Variants in EMC3 observed in about 807,000 individuals in gnomAD.
EMC3 encodes ER membrane protein complex subunit 3.
A neutral mutation model predicts 36.6 loss-of-function variants in EMC3; 13 were observed. That is an observed-to-expected ratio of 0.35 (90% CI 0.23 to 0.56). EMC3 has a LOEUF of 0.56. EMC3 is among the 20% of genes least tolerant of loss of function. The pLI is 0.84. For missense variants in EMC3, 220 were observed against 324.5 expected, an observed-to-expected ratio of 0.68 and a Z score of 2.47; for synonymous variants, 120 against 111.9, an observed-to-expected ratio of 1.07 and a Z score of -0.46.
chr3:9,987,393 G>A, upstream of EMC3: 1 of 678,026 alleles, frequency 1.5e-6, no homozygotes, highest in Non-Finnish European at 1.8e-6. Context: ...TTCCTCATCT[G>A]CCCTGAGATG....
At chr3:9,986,448 C>T in intron 1 of EMC3, 59 bp downstream of exon 1, 2 of 1,594,502 alleles carry the variant, frequency 1.3e-6, no homozygotes, top group Non-Finnish European at 1.7e-6. Flanking sequence ...ACAACTCCTG[C>T]ACTTTTTTGC....
chr3:10,010,748 G>C (rs1341710428), intron 1 of EMC3: 1 of 152,514 alleles, frequency 6.6e-6, no homozygotes, highest in Non-Finnish European at 1.5e-5. Flanking sequence ...AGGAGCCTTA[G>C]GGGGAGAGGA....
Position 9,970,678 on chromosome 3 carries a change from A to C in EMC3, c.495-17T>G, listed in dbSNP as rs1280240112. 1.2e-6 allele frequency: 2 copies of C among 1,613,584 alleles called. No individual in the cohort carries two copies. Among genetic ancestry groups the C allele is most frequent in the South Asian group, 2.2e-5 (2 of 91,076 alleles). On this transcript the variant is annotated splice_polypyrimidine_tract_variant and intron_variant, in intron 5 of 7. Coordinates refer to ENST00000245046, the MANE Select transcript of EMC3 (RefSeq NM_001394674.1). ...GAACTCACCCTGGCAAAGCAAAATG[A>C]AAATGGTGTGGTTAGTTATTATATC...
At chr3:9,977,774 T>G (rs535789236) in intron 1 of EMC3, among the ~76,000 whole-genome samples, 1 of 152,078 alleles carries the variant, frequency 6.6e-6, no homozygotes, top group Non-Finnish European at 1.5e-5. Context: ...AAAAGAATAG[T>G]TGAACACTGC....
intron 7 of EMC3, among the ~76,000 whole-genome samples, chr3:9,964,671 G>A (rs971949920): frequency 3.9e-5 from 6 of 152,178 alleles, no homozygotes; most frequent in Non-Finnish European, 8.8e-5. Flanking sequence ...ATGGCCCAGG[G>A]TATCTTCAGT....
chr3:10,001,935 C>T (rs58499722), intron 1 of EMC3, among the ~76,000 whole-genome samples: 1,850 of 152,116 alleles, frequency 0.012, 34 homozygotes, highest in African/African-American at 0.041. Flanking sequence ...GGAGGTGGAG[C>T]TTGCAGTGAG....
intron 1 of EMC3, chr3:10,007,566 G>A (rs1316758590): frequency 7.3e-7 from 1 of 1,367,622 alleles, no homozygotes; most frequent in Admixed American, 1.9e-5. Context: ...AGTGCTTCTG[G>A]GTGAGGCAGG....
chr3:9,976,991 A>G lies in EMC3; in HGVS notation c.273T>C (p.Thr91=), dbSNP rs748813452. The G allele has an allele frequency of 6.2e-7, 1 of 1,612,672 alleles. No individual in the cohort carries two copies. Among genetic ancestry groups the G allele is most frequent in the Admixed American group, 1.7e-5 (1 of 59,700 alleles). Residue 91 remains threonine (T), a synonymous_variant, in exon 3 of 8, where the codon ACT becomes ACC. Coordinates refer to ENST00000245046, the MANE Select transcript of EMC3 (RefSeq NM_001394674.1). ...GAGAAGGTGGCACTACCTTCCGTTT[A>G]GTTTTTTTGAAAAATCCATCCTCTG... ...NNPEDGFFKK[T]KRKVVPPSPM...
chr3:9,985,786 CG>C (rs1297301694), intron 1 of EMC3, among the ~76,000 whole-genome samples: 7 of 151,958 alleles, frequency 4.6e-5, no homozygotes, highest in Admixed American at 2.0e-4. Context: ...CCCAGCTACT[CG>C]GGGGGCTGAG....
chr3:9,972,211 T>C (rs1018024814), intron 5 of EMC3, among the ~76,000 whole-genome samples: 3 of 149,342 alleles, frequency 2.0e-5, no homozygotes, highest in Non-Finnish European at 3.0e-5. Context: ...ACTATTATCA[T>C]TAGTAGTAAT....
At chr3:10,009,530 G>A (rs2086301377) in intron 1 of EMC3, among the ~76,000 whole-genome samples, 3 of 152,210 alleles carry the variant, frequency 2.0e-5, no homozygotes, top group South Asian at 2.1e-4. Context: ...TCCTGAAAAA[G>A]GTGGCCCCTG....
intron 1 of EMC3, chr3:10,004,898 G>C (rs945314251): frequency 1.2e-4 from 19 of 152,276 alleles, no homozygotes; most frequent in Admixed American, 1.2e-3. Context: ...AGTTAGTGCT[G>C]TGCATCACAG....
chr3:10,010,586 A>G (rs1189421902), intron 1 of EMC3, among the ~76,000 whole-genome samples: 1 of 152,064 alleles, frequency 6.6e-6, no homozygotes, highest in Non-Finnish European at 1.5e-5. Flanking sequence ...TTCTGCACTG[A>G]TAGACTAGAC....
At chr3:9,977,129 G>T in intron 2 of EMC3, 79 bp from the exon 3 acceptor site, 2 of 1,148,366 alleles carry the variant, frequency 1.7e-6, no homozygotes, top group Non-Finnish European at 2.5e-6. Flanking sequence ...CAGTGGCTTA[G>T]TCAGAAGGCC....
intron 5 of EMC3, among the ~76,000 whole-genome samples, chr3:9,971,403 G>A (rs1467906219): frequency 1.3e-5 from 2 of 152,150 alleles, no homozygotes; most frequent in African/African-American, 2.4e-5. Context: ...AAACAAAAAT[G>A]CATATGGGAA....
At position 9,986,614 on chromosome 3, in the gene EMC3, C is replaced by T; in HGVS notation, c.48G>A (p.Val16=). 1 of 1,614,222 alleles carries T rather than the reference C, an allele frequency of 6.2e-7. No homozygotes were observed. The highest frequency in any genetic ancestry group is 1.3e-5 in the African/African-American group (1 of 75,058). The part of the protein sequence containing the change: ...LLLDSNIRLW[V]VLPIVIITFF... ...AAGTGATGATAACGATGGGTAGGAC[C>T]ACCCAGAGGCGGATGTTGGAGTCGA... The change falls in exon 1 of 8, where the codon GTG becomes GTA. Residue 16 remains valine (V), a synonymous_variant. Transcript: ENST00000245046.
At chr3:9,974,654 G>C (rs1411221929) in intron 3 of EMC3, among the ~76,000 whole-genome samples, 166 bp from the exon 4 acceptor site, 1 of 151,820 alleles carries the variant, frequency 6.6e-6, no homozygotes, top group Non-Finnish European at 1.5e-5. Context: ...CGCCTCCCAG[G>C]TTCACACCAT....
intron 1 of EMC3, chr3:10,004,122 A>G (rs1553604769): frequency 6.6e-6 from 1 of 152,202 alleles, no homozygotes. Context: ...CCTTCTGCTC[A>G]TGCAGCATTA....
upstream of EMC3, chr3:9,988,595 T>C (rs956876441): frequency 1.3e-5 from 12 of 891,478 alleles, no homozygotes; most frequent in Admixed American, 9.3e-5. Context: ...AAATGATAGC[T>C]GATGGTTGCC....
Sources: gnomAD v4.1 joint callset for allele counts (sites outside exome capture counted in the v4.1 genomes callset) on GRCh38, gnomAD v4.1.1 for gene constraint, MANE v1.5 for transcripts, NCBI Gene and HGNC (gene_info 2026-07-23, HGNC 2026-07-21) for gene names.